The following SYN2 variants were observed in gnomAD, a reference collection of about 807,000 sequenced individuals.
SYN2 encodes synapsin-2.
SYN2 carries 19 observed loss-of-function variants against 50.9 expected under a neutral mutation model. That is an observed-to-expected ratio of 0.37 (90% CI 0.26 to 0.55). The LOEUF (loss-of-function observed/expected upper bound fraction) is 0.55. Among genes scored for constraint, SYN2 ranks in the 20% least tolerant of loss-of-function variants. The pLI, the probability that SYN2 is intolerant of heterozygous loss-of-function variation, is 0.81. For missense variants in SYN2, 587 were observed against 576.4 expected, an observed-to-expected ratio of 1.02 and a Z score of -0.19; for synonymous variants, 255 against 224.9, an observed-to-expected ratio of 1.13 and a Z score of -1.20.
At chr3:12,163,722 T>G (rs1052002170) in intron 7 of SYN2, among the ~76,000 whole-genome samples, 4 of 152,204 alleles carry the variant, frequency 2.6e-5, no homozygotes, top group African/African-American at 9.7e-5. Flanking sequence ...CTTTTTTAGT[T>G]TACAATTTTA....
chr3:12,183,942 C>CT (rs1698283996), intron 11 of SYN2: 1 of 992,074 alleles, frequency 1.0e-6, no homozygotes, highest in South Asian at 4.6e-5. Context: ...TTTCTTTCTG[C>CT]ATGACTATTG....
Position 12,184,235 on chromosome 3 carries a change from G to A in SYN2, c.1369+863G>A. ...GAGATTTTTAAAAAATGGGGCCGCT[G>A]ATGTGCAATATCAAAGTGAACTTGT... On this transcript the variant is annotated intron_variant, in intron 11 of 12. Coordinates refer to ENST00000621198, the MANE Select transcript of SYN2 (RefSeq NM_133625.6). The A allele has an allele frequency of 4.1e-6, 4 of 985,870 alleles. No homozygotes were observed. The African/African-American group carries it at 5.2e-5, about 13-fold the overall frequency. The allele number at this position is 985,870 out of a possible 1,614,324, so 61.1% of individuals were successfully genotyped here.
chr3:12,153,470 T>C (rs752109019), intron 5 of SYN2: 2 of 1,606,282 alleles, frequency 1.2e-6, no homozygotes, highest in Non-Finnish European at 8.5e-7. Flanking sequence ...AGAACTGGCT[T>C]GATCTTCAGG....
intron 12 of SYN2, among the ~76,000 whole-genome samples, chr3:12,189,717 C>T (rs539420292): frequency 1.1e-4 from 16 of 152,194 alleles, no homozygotes; most frequent in South Asian, 4.2e-4. Context: ...GCAGTAGAAT[C>T]GCTTGAACCG....
chr3:12,094,839 A>G (rs1695896218), intron 1 of SYN2, among the ~76,000 whole-genome samples: 1 of 152,212 alleles, frequency 6.6e-6, no homozygotes, highest in African/African-American at 2.4e-5. Flanking sequence ...TATATAATTC[A>G]CAGAGAATAT....
Position 12,004,548 on chromosome 3 carries a change from C to A in SYN2, c.-4C>A. 1 of 657,962 alleles carries A rather than the reference C, an allele frequency of 1.5e-6. No homozygotes were observed. The highest frequency in any genetic ancestry group is 3.2e-5 in the East Asian group (1 of 31,620). The allele number at this position is 657,962 out of a possible 1,614,324, so 40.8% of individuals were successfully genotyped here. A position where few individuals can be genotyped will look rare whatever the true frequency, so the allele number is the denominator to read the frequency against. ...CCCCGCGCGCCCCCAGCCCTTTAAGCCAGATGATGAACTTCCTGCGGCGCC... is the reference window on the plus strand; with the variant it reads ...CCCCGCGCGCCCCCAGCCCTTTAAGACAGATGATGAACTTCCTGCGGCGCC... On this transcript the variant is annotated 5_prime_UTR_variant, in exon 1 of 13. Transcript: ENST00000621198.
At chr3:12,050,711 CTTT>C (rs57099569) in intron 1 of SYN2, among the ~76,000 whole-genome samples, 46 of 50,514 alleles carry the variant, frequency 9.1e-4, no homozygotes, top group East Asian at 9.6e-4. Flanking sequence ...CTTCTCTTCT[CTTT>C]TTTTTTTTTT....
At chr3:12,182,430 C>G (rs181333057) in intron 10 of SYN2, among the ~76,000 whole-genome samples, 1 of 152,328 alleles carries the variant, frequency 6.6e-6, no homozygotes, top group African/African-American at 2.4e-5. Flanking sequence ...TTCACTGCCT[C>G]TAATACAAGC....
At chr3:12,063,417 A>T (rs543547433) in intron 1 of SYN2, among the ~76,000 whole-genome samples, 16 of 152,144 alleles carry the variant, frequency 1.1e-4, no homozygotes, top group Non-Finnish European at 2.1e-4. Flanking sequence ...GTAGTTGATA[A>T]TGTATCCCAT....
chr3:12,066,950 T>C (rs1056226211), intron 1 of SYN2, among the ~76,000 whole-genome samples: 3 of 152,268 alleles, frequency 2.0e-5, no homozygotes, highest in East Asian at 1.9e-4. Context: ...AACATGTCCT[T>C]CTTCACATGG....
chr3:12,150,601 A>G (rs1321114614), intron 4 of SYN2, among the ~76,000 whole-genome samples: 1 of 152,156 alleles, frequency 6.6e-6, no homozygotes, highest in African/African-American at 2.4e-5. Context: ...CCAGTTTCTC[A>G]TATGTAGGCA....
At chr3:12,148,487 T>C (rs979583147) in intron 4 of SYN2, 62 of 152,268 alleles carry the variant, frequency 4.1e-4, no homozygotes, top group African/African-American at 1.4e-3. Flanking sequence ...CTATGACTGC[T>C]GTTGGTGTGA....
chr3:12,027,649 A>G (rs1694290412), intron 1 of SYN2, among the ~76,000 whole-genome samples: 1 of 152,230 alleles, frequency 6.6e-6, no homozygotes, highest in East Asian at 1.9e-4. Flanking sequence ...TATGTCTTCA[A>G]AGAGATATTA....
At chr3:12,085,303 A>C (rs774076671) in intron 1 of SYN2, among the ~76,000 whole-genome samples, 8 of 152,036 alleles carry the variant, frequency 5.3e-5, no homozygotes, top group Non-Finnish European at 1.0e-4. Context: ...AAAGAGGTCA[A>C]CTCATCAAGA....
intron 10 of SYN2, among the ~76,000 whole-genome samples, chr3:12,171,994 C>T (rs902191398): frequency 6.6e-6 from 1 of 152,194 alleles, no homozygotes; most frequent in Non-Finnish European, 1.5e-5. Flanking sequence ...AAGGAATAAG[C>T]TCCCTAAATA....
intron 1 of SYN2, among the ~76,000 whole-genome samples, chr3:12,090,294 G>C (rs1313031805): frequency 6.6e-6 from 1 of 152,158 alleles, no homozygotes; most frequent in Non-Finnish European, 1.5e-5. Flanking sequence ...AAATGACTAT[G>C]AGGAAACTCT....
rs1274268413 is a variant in SYN2 at position 12,161,720 on chromosome 3, G to A, written c.837+112G>A. 19 of 1,336,372 alleles carry A rather than the reference G, an allele frequency of 1.4e-5. No homozygotes were observed. In the South Asian group the frequency reaches 2.3e-4, roughly 17 times the overall value. The allele number at this position is 1,336,372 out of a possible 1,614,324, so 82.8% of individuals were successfully genotyped here. On this transcript the variant is annotated intron_variant, in intron 6 of 12. Coordinates refer to ENST00000621198, the MANE Select transcript of SYN2 (RefSeq NM_133625.6). ...CTGTCACTGATGAATTCTTTCCAAA[G>A]AGAAGATGATTTGCCACCTCTAAAG...
At chr3:12,141,626 G>T (rs1697022365) in intron 2 of SYN2, among the ~76,000 whole-genome samples, 1 of 152,160 alleles carries the variant, frequency 6.6e-6, no homozygotes, top group Non-Finnish European at 1.5e-5. Flanking sequence ...GGAGTTAGAG[G>T]ACCTGAGTTT....
intron 1 of SYN2, among the ~76,000 whole-genome samples, chr3:12,050,794 G>C (rs1482353173): frequency 7.7e-6 from 1 of 130,392 alleles, no homozygotes. Context: ...GGACTGCAGT[G>C]GCGCGATCTC....
Sources: allele counts gnomAD v4.1 joint callset (sites outside exome capture counted in the v4.1 genomes callset), GRCh38; gene constraint gnomAD v4.1.1; transcripts MANE v1.5; gene names NCBI Gene and HGNC (gene_info 2026-07-23, HGNC 2026-07-21).